NT5C2: variants seen among roughly 807,000 people sequenced by gnomAD.
NT5C2 encodes cytosolic purine 5'-nucleotidase.
In NT5C2, 58 loss-of-function variants were observed where a neutral mutation model predicts 76.1. The observed-to-expected ratio is 0.76, with a 90% CI of 0.62 to 0.95. The LOEUF is 0.95. Ranked by LOEUF, NT5C2 falls within the 40% of genes least tolerant of loss-of-function variation. The pLI is 0.00. For missense variants in NT5C2, 478 were observed against 690.3 expected, an observed-to-expected ratio of 0.69 and a Z score of 3.45; for synonymous variants, 229 against 237.4, an observed-to-expected ratio of 0.96 and a Z score of 0.32.
At chr10:103,150,571 G>A (rs1236175948) in intron 3 of NT5C2, among the ~76,000 whole-genome samples, 1 of 152,154 alleles carries the variant, frequency 6.6e-6, no homozygotes, top group Non-Finnish European at 1.5e-5. Flanking sequence ...TTAAGCATAT[G>A]TTTAACTTAA....
chr10:103,102,522 T>C (rs565943308), intron 6 of NT5C2, among the ~76,000 whole-genome samples: 1 of 151,962 alleles, frequency 6.6e-6, no homozygotes, highest in African/African-American at 2.4e-5. Flanking sequence ...TCAGAATTTT[T>C]TCTTTTTTCT....
At chr10:103,099,005 G>A in intron 9 of NT5C2, 21 bp from the exon 10 acceptor site, 9 of 1,575,326 alleles carry the variant, frequency 5.7e-6, no homozygotes, top group African/African-American at 1.4e-5. Context: ...ACAAAAAAAA[G>A]AATTAAGAAA....
At chr10:103,096,023 C>A (rs761141926) in intron 11 of NT5C2, 43 bp from the exon 12 acceptor site, 8 of 1,447,366 alleles carry the variant, frequency 5.5e-6, no homozygotes, top group Non-Finnish European at 7.8e-6. Context: ...ACTACTTTTG[C>A]AAAAGGTATA....
Position 103,174,844 on chromosome 10 carries a change from G to C in NT5C2, c.101+14C>G, listed in dbSNP as rs373919625. ...ATAGAGGGGTTTTGAGGATTAAATA[G>C]ACAAAATACTTACCGATGATAGGCT... On this transcript the variant is annotated intron_variant, in intron 3 of 18. Transcript: ENST00000404739. The C allele has an allele frequency of 1.3e-6, 2 of 1,573,864 alleles. No homozygotes were observed. Among genetic ancestry groups the C allele is most frequent in the Non-Finnish European group, 8.7e-7 (1 of 1,144,442 alleles).
intron 2 of NT5C2, among the ~76,000 whole-genome samples, chr10:103,178,783 C>T (rs1394673538): frequency 2.1e-5 from 3 of 142,272 alleles, no homozygotes; most frequent in Non-Finnish European, 3.1e-5. Context: ...TGAGCTGAGC[C>T]GAGATCACAC....
chr10:103,131,879 A>G (rs903247575), intron 4 of NT5C2, among the ~76,000 whole-genome samples: 1 of 152,104 alleles, frequency 6.6e-6, no homozygotes, highest in African/African-American at 2.4e-5. Context: ...CCATGATTGC[A>G]CCACTGCACT....
chr10:103,153,297 T>A, intron 3 of NT5C2: 1 of 1,281,526 alleles, frequency 7.8e-7, no homozygotes, highest in Non-Finnish European at 1.0e-6. Flanking sequence ...TTACCCTTCC[T>A]TAGACATTCT....
intron 1 of NT5C2, among the ~76,000 whole-genome samples, chr10:103,189,759 C>A (rs1164674505): frequency 6.6e-6 from 1 of 151,116 alleles, no homozygotes; most frequent in Non-Finnish European, 1.5e-5. Context: ...ACCTCTGCCT[C>A]CCAGGTTCAA....
intron 14 of NT5C2, chr10:103,093,638 C>G: frequency 5.5e-6 from 2 of 365,854 alleles, no homozygotes; most frequent in Non-Finnish European, 9.8e-6. Flanking sequence ...ATAACTCCAA[C>G]ATACTATGTA....
intron 1 of NT5C2, among the ~76,000 whole-genome samples, chr10:103,187,726 T>G (rs755071929): frequency 3.9e-5 from 6 of 152,180 alleles, no homozygotes; most frequent in Non-Finnish European, 8.8e-5. Context: ...CTGGTTTACT[T>G]AGCAGCTCTC....
At chr10:103,091,531 A>C in intron 16 of NT5C2, 33 bp downstream of exon 16, 1 of 1,536,202 alleles carries the variant, frequency 6.5e-7, no homozygotes, top group Admixed American at 1.7e-5. Context: ...TTCCTGAGTA[A>C]GTTTTTGGGA....
chr10:103,132,412 C>G (rs1247323639), intron 4 of NT5C2, among the ~76,000 whole-genome samples: 1 of 152,082 alleles, frequency 6.6e-6, no homozygotes, highest in African/African-American at 2.4e-5. Context: ...GTCCATAGTT[C>G]AACTAATAAT....
At chr10:103,168,244 G>A (rs906449570) in intron 3 of NT5C2, among the ~76,000 whole-genome samples, 57 of 152,044 alleles carry the variant, frequency 3.7e-4, no homozygotes, top group Admixed American at 1.8e-3. Flanking sequence ...GCCTAATAAC[G>A]TGCCACATTT....
intron 3 of NT5C2, among the ~76,000 whole-genome samples, chr10:103,173,145 G>A (rs1356183616): frequency 2.6e-5 from 4 of 152,036 alleles, no homozygotes; most frequent in Non-Finnish European, 5.9e-5. Flanking sequence ...CACCATGCCT[G>A]GCCTACACTT....
At chr10:103,132,839 C>T (rs568003159) in intron 4 of NT5C2, among the ~76,000 whole-genome samples, 7 of 152,044 alleles carry the variant, frequency 4.6e-5, no homozygotes, top group Non-Finnish European at 7.4e-5. Context: ...CGTGAGCCAC[C>T]GCGCCTGGCC....
chr10:103,090,614 G>C lies in NT5C2; in HGVS notation c.1446C>G (p.Val482=), dbSNP rs754488706. 6.2e-7 allele frequency: 1 copy of C among 1,612,798 alleles called. No individual in the cohort carries two copies. The highest frequency in any genetic ancestry group is 1.1e-5 in the South Asian group (1 of 90,904). The stretch of plus-strand genomic sequence containing the variant: ...GTCCATTACAGCTTTAACTCACCAA[G>C]ACATGGGCAGCCCTGAAGAGGTAGC... ...PFSYLFRAAH[V]LMPHESTVEH... The change falls in exon 18 of 19, where the codon GTC becomes GTG. Residue 482 remains valine, a synonymous_variant. Transcript: ENST00000404739.
intron 15 of NT5C2, among the ~76,000 whole-genome samples, chr10:103,092,833 C>G (rs969422153): frequency 1.3e-5 from 2 of 152,114 alleles, no homozygotes; most frequent in African/African-American, 4.8e-5. Flanking sequence ...TATGGGACCA[C>G]AGAGGAAAAG....
At chr10:103,089,965 CA>C in intron 18 of NT5C2, 57 bp from the exon 19 acceptor site, 1 of 1,410,532 alleles carries the variant, frequency 7.1e-7, no homozygotes. Flanking sequence ...AGCTACTCCC[CA>C]AATCCTAACC....
intron 2 of NT5C2, 39 bp downstream of exon 2, chr10:103,181,146 T>A (rs927935705): frequency 2.0e-5 from 3 of 151,956 alleles, no homozygotes; most frequent in African/African-American, 7.3e-5. Flanking sequence ...TATATATATG[T>A]TAAAATTTAT....
Sources: gnomAD v4.1 joint callset for allele counts (sites outside exome capture counted in the v4.1 genomes callset) on GRCh38, gnomAD v4.1.1 for gene constraint, MANE v1.5 for transcripts, NCBI Gene and HGNC (gene_info 2026-07-23, HGNC 2026-07-21) for gene names.